The following SPAG16 variants were observed in gnomAD, a reference collection of about 807,000 sequenced individuals.
SPAG16 encodes the protein sperm associated antigen 16.
Under a neutral mutation model 80.4 loss-of-function variants are expected in SPAG16, and 86 were observed. The observed-to-expected ratio is 1.07, with a 90% confidence interval of 0.90 to 1.28. SPAG16 has a LOEUF of 1.28. Among genes scored for constraint, SPAG16 ranks in the 50% most tolerant of loss-of-function variants. The pLI is 0.00. For synonymous variants in SPAG16, 294 were observed against 265.9 expected, an observed-to-expected ratio of 1.11 and a Z score of -1.03; for missense variants, 870 against 765.3, an observed-to-expected ratio of 1.14 and a Z score of -1.61.
chr2:214,291,102 A>G, intron 15 of SPAG16, among the ~76,000 whole-genome samples: 1 of 151,982 alleles, frequency 6.6e-6, no homozygotes, highest in East Asian at 1.9e-4. Context: ...TCTCTTTGTC[A>G]TTATATAATG....
At chr2:213,695,733 T>A (rs1217765792) in intron 10 of SPAG16, among the ~76,000 whole-genome samples, 1 of 152,144 alleles carries the variant, frequency 6.6e-6, no homozygotes, top group Non-Finnish European at 1.5e-5. Flanking sequence ...CAGGAAAGAA[T>A]AAGCACATGC....
intron 10 of SPAG16, among the ~76,000 whole-genome samples, chr2:213,692,092 A>G (rs2064966869): frequency 6.6e-6 from 1 of 152,226 alleles, no homozygotes; most frequent in Non-Finnish European, 1.5e-5. Flanking sequence ...ATTATTAGAA[A>G]AAAATGAAAT....
intron 9 of SPAG16, among the ~76,000 whole-genome samples, chr2:213,432,887 A>C (rs143651586): frequency 1.4e-3 from 220 of 152,302 alleles, no homozygotes; most frequent in Middle Eastern, 0.014. Flanking sequence ...AGAGCACTCC[A>C]AAAAGATAAT....
chr2:214,012,274 ATATATATATATATATT>A (rs1206648399), intron 12 of SPAG16, among the ~76,000 whole-genome samples: 3 of 43,954 alleles, frequency 6.8e-5, no homozygotes, highest in Admixed American at 2.5e-4. Context: ...ATATATATAT[ATATATATATATATATT>A]TTTTTTTTTT....
intron 15 of SPAG16, among the ~76,000 whole-genome samples, chr2:214,278,635 A>C (rs147774111): frequency 6.6e-6 from 1 of 152,282 alleles, no homozygotes; most frequent in African/African-American, 2.4e-5. Flanking sequence ...TTGAGAAAAA[A>C]CTTATTTTCT....
At chr2:213,608,523 A>G (rs923714226) in intron 10 of SPAG16, among the ~76,000 whole-genome samples, 11 of 152,190 alleles carry the variant, frequency 7.2e-5, no homozygotes, top group Non-Finnish European at 1.3e-4. Flanking sequence ...TTATGGCTGC[A>G]TAGTATTCCA....
intron 15 of SPAG16, among the ~76,000 whole-genome samples, chr2:214,193,464 G>GAGA (rs2057733534): frequency 9.3e-6 from 1 of 107,420 alleles, no homozygotes; most frequent in African/African-American, 3.1e-5. Flanking sequence ...AGAGAGAGAA[G>GAGA]GGGGTAGAGC....
At chr2:213,304,674 A>G (rs2062868851) in intron 3 of SPAG16, among the ~76,000 whole-genome samples, 1 of 152,060 alleles carries the variant, frequency 6.6e-6, no homozygotes, top group Non-Finnish European at 1.5e-5. Flanking sequence ...CTTTGTCGAA[A>G]ATGAGTTCAC....
At chr2:213,433,655 A>G (rs560563189) in intron 9 of SPAG16, among the ~76,000 whole-genome samples, 2 of 152,314 alleles carry the variant, frequency 1.3e-5, no homozygotes, top group East Asian at 1.9e-4. Flanking sequence ...AATTAATGGT[A>G]TTAAAATGAC....
intron 15 of SPAG16, among the ~76,000 whole-genome samples, chr2:214,341,852 G>A (rs139336224): frequency 6.6e-6 from 1 of 152,200 alleles, no homozygotes; most frequent in African/African-American, 2.4e-5. Flanking sequence ...TTCCAGGATG[G>A]CAATGAAGAA....
chr2:213,760,890 A>G (rs1194832546), intron 10 of SPAG16, among the ~76,000 whole-genome samples: 2 of 152,228 alleles, frequency 1.3e-5, no homozygotes, highest in Non-Finnish European at 2.9e-5. Context: ...AGAAAGAGAC[A>G]GACATCAGGG....
chr2:214,286,110 A>G (rs968806451), intron 15 of SPAG16, among the ~76,000 whole-genome samples: 1 of 152,218 alleles, frequency 6.6e-6, no homozygotes, highest in Non-Finnish European at 1.5e-5. Context: ...TTATTTCTAT[A>G]TGGAACCAAA....
At chr2:213,947,917 A>T (rs1208429238) in intron 12 of SPAG16, among the ~76,000 whole-genome samples, 2 of 151,922 alleles carry the variant, frequency 1.3e-5, no homozygotes, top group African/African-American at 4.8e-5. Flanking sequence ...AATTGTTTTG[A>T]CTGTTCTATT....
chr2:213,303,764 T>C (rs897859063), intron 3 of SPAG16, among the ~76,000 whole-genome samples: 2 of 152,158 alleles, frequency 1.3e-5, no homozygotes, highest in Admixed American at 1.3e-4. Flanking sequence ...GCACATTTCC[T>C]TTCTGCACTC....
chr2:213,468,487 ATATG>A (rs1328372164), intron 9 of SPAG16, among the ~76,000 whole-genome samples: 14 of 104,694 alleles, frequency 1.3e-4, no homozygotes, highest in African/African-American at 6.7e-4. Flanking sequence ...ATAGATATAT[ATATG>A]TATTTATATA....
intron 13 of SPAG16, among the ~76,000 whole-genome samples, chr2:214,041,294 CT>C (rs1172141601): frequency 6.6e-6 from 1 of 151,544 alleles, no homozygotes; most frequent in African/African-American, 2.4e-5. Context: ...AAGTTTTCTT[CT>C]TTTTCACTGT....
intron 1 of SPAG16, among the ~76,000 whole-genome samples, chr2:213,289,597 A>T (rs1347970836): frequency 6.6e-6 from 1 of 152,210 alleles, no homozygotes; most frequent in East Asian, 1.9e-4. Flanking sequence ...CAGTTAACTT[A>T]TTTAAACTGG....
intron 13 of SPAG16, among the ~76,000 whole-genome samples, chr2:214,064,611 A>C (rs1216154029): frequency 6.6e-6 from 1 of 152,126 alleles, no homozygotes; most frequent in Non-Finnish European, 1.5e-5. Flanking sequence ...TTTGCAATTA[A>C]ATTGTAAGTT....
chr2:213,862,462 CTT>C, intron 10 of SPAG16, 21 bp from the exon 11 acceptor site: 1 of 1,610,808 alleles, frequency 6.2e-7, no homozygotes, highest in Non-Finnish European at 8.5e-7. Context: ...CCCCATAACT[CTT>C]TTTTCTTTCT....
Sources: gnomAD v4.1 joint callset for allele counts (sites outside exome capture counted in the v4.1 genomes callset) on GRCh38, gnomAD v4.1.1 for gene constraint, MANE v1.5 for transcripts, NCBI Gene and HGNC (gene_info 2026-07-23, HGNC 2026-07-21) for gene names.